The following APBB2 variants were observed in gnomAD, a reference collection of about 807,000 sequenced individuals.
APBB2 encodes Fe65-like 1.
A neutral mutation model predicts 82.5 loss-of-function variants in APBB2; 38 were observed. The ratio of observed to expected loss-of-function variants is 0.46; its 90% CI spans 0.36 to 0.60. The LOEUF (loss-of-function observed/expected upper bound fraction) is 0.60. Ranked by LOEUF, APBB2 falls within the 20% of genes least tolerant of loss-of-function variation. The pLI, the probability that APBB2 is intolerant of heterozygous loss-of-function variation, is 0.00. For synonymous variants in APBB2, 341 were observed against 368.2 expected, an observed-to-expected ratio of 0.93 and a Z score of 0.85; for missense variants, 772 against 972.3, an observed-to-expected ratio of 0.79 and a Z score of 2.74.
At chr4:40,936,800 G>A (rs1044374882) in intron 7 of APBB2, among the ~76,000 whole-genome samples, 1 of 152,176 alleles carries the variant, frequency 6.6e-6, no homozygotes, top group African/African-American at 2.4e-5. Flanking sequence ...TCTACCCCCA[G>A]AAGCAGTGTT....
chr4:41,001,442 A>G (rs1211498837), intron 6 of APBB2, among the ~76,000 whole-genome samples: 2 of 152,248 alleles, frequency 1.3e-5, no homozygotes, highest in Non-Finnish European at 2.9e-5. Context: ...AGATATACCA[A>G]TTCAGTGTAG....
intron 6 of APBB2, among the ~76,000 whole-genome samples, chr4:40,971,594 T>C (rs1243689261): frequency 6.6e-6 from 1 of 152,214 alleles, no homozygotes; most frequent in African/African-American, 2.4e-5. Flanking sequence ...GCAATATTTT[T>C]CCCAGAAACG....
chr4:41,122,238 TG>T (rs1359220824), intron 2 of APBB2, among the ~76,000 whole-genome samples: 13 of 152,214 alleles, frequency 8.5e-5, no homozygotes, highest in African/African-American at 2.9e-4. Flanking sequence ...TTTTAATATA[TG>T]TTAATCAACA....
At chr4:41,009,192 G>A (rs906798889) in intron 6 of APBB2, among the ~76,000 whole-genome samples, 1 of 150,886 alleles carries the variant, frequency 6.6e-6, no homozygotes, top group African/African-American at 2.5e-5. Context: ...GAGCCATCAT[G>A]CTTACTACCT....
intron 1 of APBB2, among the ~76,000 whole-genome samples, chr4:41,146,188 T>C (rs571294216): frequency 1.3e-5 from 2 of 152,028 alleles, no homozygotes; most frequent in South Asian, 4.2e-4. Context: ...TAGCAAGGCA[T>C]GGTGGCACAC....
rs143171144 is a variant in APBB2, at chr4:41,210,663, A to G, written c.-417+3742T>C. Among the ~76,000 whole-genome samples the G allele has an allele frequency of 3.9e-5, 6 of 152,374 alleles. No individual in the cohort carries two copies. In the East Asian group the frequency reaches 1.2e-3, roughly 29 times the overall value. On this transcript the variant is annotated intron_variant, in intron 1 of 17. Coordinates refer to ENST00000508593, the MANE Select transcript of APBB2 (RefSeq NM_004307.2). ...AAATAAATGAACACAAAACAGTTTT[A>G]AAATCTGGATAGAACCTTCTTGAAA... is the stretch of plus-strand genomic sequence containing the variant.
At chr4:41,020,880 G>A (rs1818328) in intron 5 of APBB2, among the ~76,000 whole-genome samples, 15,466 of 152,222 alleles carry the variant, frequency 0.1, 984 homozygotes, top group Admixed American at 0.2. Context: ...CACCTTCTTA[G>A]GGGAAGAGTG....
In APBB2 at chr4:40,935,041, A is replaced by C. The variant is rs188331081; in HGVS notation, c.1107+36T>G. 911 of 1,458,142 alleles carry C rather than the reference A, an allele frequency of 6.2e-4. 9 individuals carry two copies. In the African/African-American group the frequency reaches 0.011, roughly 17 times the overall value. 90.3% of individuals were successfully genotyped at this position (1,458,142 alleles called of 1,614,324 possible). A position where few individuals can be genotyped will look rare whatever the true frequency, so the allele number is the denominator to read the frequency against. On this transcript the variant is annotated intron_variant, in intron 8 of 17. Transcript: ENST00000508593. ...AGCCACAGCCATGCAGAAAGGATAA[A>C]ATATTAAATGATCTAAGATCTGACA...
chr4:40,826,198 G>T lies in APBB2; in HGVS notation c.1733-228C>A. The T allele has an allele frequency of 1.9e-6, 1 of 526,964 alleles. No individual in the cohort carries two copies. The highest frequency in any genetic ancestry group is 1.9e-5 in the African/African-American group (1 of 52,300). 32.6% of individuals were successfully genotyped at this position (526,964 alleles called of 1,614,324 possible). On this transcript the variant is annotated intron_variant, in intron 14 of 17. Coordinates refer to ENST00000508593, the MANE Select transcript of APBB2 (RefSeq NM_004307.2). This position sits in a 1 kb window ranked among gnomAD's most constrained non-coding sequence, Gnocchi z 4.5. Reference sequence around the variant, plus strand: ...AAGATAGGAATGCATGTGAAAGCAGGAAGTGGCATCTATGTGTTAAAGCTG... The same window carrying T: ...AAGATAGGAATGCATGTGAAAGCAGTAAGTGGCATCTATGTGTTAAAGCTG...
rs147813066 is a variant in APBB2 at position 41,040,723 on chromosome 4, C to G, written c.-50-7419G>C. Among the ~76,000 whole-genome samples, 449 of 152,196 alleles carry G rather than the reference C, an allele frequency of 3.0e-3. 4 individuals carry two copies. Among genetic ancestry groups the G allele is most frequent in the African/African-American group, 0.01 (435 of 41,526 alleles). ...CCACAAGACAATTCTCACCACATTA[C>G]TAGGGTTCTTTTGAAGTTTGTGTCC... On this transcript the variant is annotated intron_variant, in intron 4 of 17. Transcript: ENST00000508593.
intron 2 of APBB2, among the ~76,000 whole-genome samples, chr4:41,113,595 CT>C (rs1749959839): frequency 6.6e-6 from 1 of 152,128 alleles, no homozygotes; most frequent in Non-Finnish European, 1.5e-5. Context: ...AATACACAGC[CT>C]TTTGCCTGGA....
At chr4:41,016,478 A>G (rs1809974238) in intron 5 of APBB2, among the ~76,000 whole-genome samples, 1 of 152,124 alleles carries the variant, frequency 6.6e-6, no homozygotes, top group Non-Finnish European at 1.5e-5. Flanking sequence ...CCTGACCAAC[A>G]TGGAGAAACC....
In APBB2 at chr4:40,812,215, A is replaced by G. The variant is rs1744556740; in HGVS notation, c.*3877T>C. 1.3e-5 allele frequency: 2 copies of G among 152,240 alleles called. No homozygotes were observed. The highest frequency in any genetic ancestry group is 4.8e-5 in the African/African-American group (2 of 41,466). 9.4% of individuals were successfully genotyped at this position (152,240 alleles called of 1,614,324 possible). ...AGTGATTTCTAAGAAGTCTGAGGTA[A>G]GAATAATTTAAAAATAACTAGAGAC... On this transcript the variant is annotated 3_prime_UTR_variant, in exon 18 of 18. Transcript: ENST00000508593.
intron 3 of APBB2, among the ~76,000 whole-genome samples, chr4:41,095,046 A>C (rs1221184121): frequency 6.6e-6 from 1 of 152,238 alleles, no homozygotes; most frequent in African/African-American, 2.4e-5. Flanking sequence ...TGCAAGGAGG[A>C]TATTAAAGGA....
rs1419844298 is a variant in APBB2, at chr4:40,893,118, C to G, written c.1401+147G>C. On this transcript the variant is annotated intron_variant, in intron 11 of 17. Coordinates refer to ENST00000508593, the MANE Select transcript of APBB2 (RefSeq NM_004307.2). ...TAAGGGATCAGTCACACGGGGGTAC[C>G]ATGCCTACACTTCCTGCATTAATGG... is the stretch of plus-strand genomic sequence containing the variant. 5.4e-6 allele frequency: 5 copies of G among 922,456 alleles called. No homozygotes were observed. In the East Asian group the frequency reaches 1.3e-4, roughly 24 times the overall value. The allele number at this position is 922,456 out of a possible 1,614,324, so 57.1% of individuals were successfully genotyped here. A position where few individuals can be genotyped will look rare whatever the true frequency, so the allele number is the denominator to read the frequency against.
intron 1 of APBB2, among the ~76,000 whole-genome samples, chr4:41,173,939 G>C (rs1206921233): frequency 2.0e-5 from 3 of 151,128 alleles, no homozygotes; most frequent in Non-Finnish European, 4.4e-5. Context: ...CAGTGTTAAA[G>C]ATGGAGAAGA....
At chr4:40,926,991 C>T (rs1578487361) in intron 10 of APBB2, among the ~76,000 whole-genome samples, 4 of 152,218 alleles carry the variant, frequency 2.6e-5, no homozygotes, top group Admixed American at 6.5e-5. Context: ...TGGTTCATGG[C>T]GCTCTCTCTT....
chr4:41,120,757 C>A (rs556181434), intron 2 of APBB2, among the ~76,000 whole-genome samples: 2 of 152,312 alleles, frequency 1.3e-5, no homozygotes, highest in African/African-American at 4.8e-5. Context: ...TTGCAAAATA[C>A]AGCCTAAAAT....
intron 10 of APBB2, among the ~76,000 whole-genome samples, chr4:40,934,100 C>T (rs1784846091): frequency 6.6e-6 from 1 of 152,238 alleles, no homozygotes; most frequent in Admixed American, 6.5e-5. Context: ...TGGGAGGGGT[C>T]TCACACCCTA....
Sources: gnomAD v4.1 joint callset for allele counts (sites outside exome capture counted in the v4.1 genomes callset) on GRCh38, gnomAD v4.1.1 for gene constraint, Gnocchi (gnomAD v3.1) non-coding constraint, MANE v1.5 for transcripts, NCBI Gene and HGNC (gene_info 2026-07-23, HGNC 2026-07-21) for gene names.